Variants in DLG2 observed in about 807,000 individuals in gnomAD.
DLG2 encodes discs large MAGUK scaffold protein 2.
DLG2 carries 45 observed loss-of-function variants against 132.5 expected under a neutral mutation model. The ratio of observed to expected loss-of-function variants is 0.34; its 90% CI spans 0.27 to 0.44. The LOEUF (loss-of-function observed/expected upper bound fraction) is 0.44. Ranked by LOEUF, DLG2 falls within the 20% of genes least tolerant of loss-of-function variation. DLG2 has a pLI of 1.00. For missense variants in DLG2, 1,045 were observed against 1,196.9 expected (o/e 0.87, Z 1.87); for synonymous variants, 424 against 419.6 (o/e 1.01, Z -0.13).
intron 3 of DLG2, among the ~76,000 whole-genome samples, chr11:85,589,458 A>G (rs978816895): frequency 1.3e-5 from 2 of 152,132 alleles, no homozygotes; most frequent in Admixed American, 6.5e-5. Flanking sequence ...ATGATCCACT[A>G]CTGGGTATAG....
chr11:85,161,466 G>A (rs1469456824), intron 4 of DLG2, among the ~76,000 whole-genome samples: 1 of 152,218 alleles, frequency 6.6e-6, no homozygotes, highest in African/African-American at 2.4e-5. Flanking sequence ...CTGGTGTCAG[G>A]TTGATTATAT....
intron 15 of DLG2, among the ~76,000 whole-genome samples, chr11:83,915,057 A>C (rs538466545): frequency 6.6e-6 from 1 of 152,296 alleles, no homozygotes; most frequent in South Asian, 2.1e-4. Context: ...ATGCAAGCAC[A>C]ACAGTGAGCC....
At chr11:84,696,779 G>A (rs556101360) in intron 6 of DLG2, among the ~76,000 whole-genome samples, 1 of 151,546 alleles carries the variant, frequency 6.6e-6, no homozygotes, top group African/African-American at 2.4e-5. Flanking sequence ...GAAGAAGTGA[G>A]AAAGAATGTT....
At chr11:84,235,771 A>G (rs762258632) in intron 8 of DLG2, among the ~76,000 whole-genome samples, 2 of 152,142 alleles carry the variant, frequency 1.3e-5, no homozygotes, top group Non-Finnish European at 2.9e-5. Flanking sequence ...ACCGAGAGGC[A>G]GGGTAGTATA....
intron 6 of DLG2, among the ~76,000 whole-genome samples, chr11:84,824,791 A>G (rs1311209640): frequency 6.6e-6 from 1 of 151,882 alleles, no homozygotes. Flanking sequence ...TAAGTGTCGC[A>G]ACACTCAGAG....
At chr11:85,179,708 A>C (rs770125945) in intron 4 of DLG2, among the ~76,000 whole-genome samples, 11 of 151,988 alleles carry the variant, frequency 7.2e-5, no homozygotes, top group Admixed American at 1.3e-4. Context: ...AATGTCCTTA[A>C]ATGGCGGAAT....
chr11:85,237,496 A>C (rs972890375), intron 4 of DLG2, among the ~76,000 whole-genome samples: 1 of 152,064 alleles, frequency 6.6e-6, no homozygotes, highest in Non-Finnish European at 1.5e-5. Context: ...TGCAGTCAAA[A>C]ATCCATTTAA....
At chr11:84,951,013 A>T (rs147327220) in intron 6 of DLG2, among the ~76,000 whole-genome samples, 308 of 152,288 alleles carry the variant, frequency 2.0e-3, no homozygotes, top group Non-Finnish European at 3.7e-3. Context: ...GATAAAATGA[A>T]CTCTTCATTT....
intron 8 of DLG2, among the ~76,000 whole-genome samples, chr11:84,209,817 A>G (rs958031497): frequency 1.3e-5 from 2 of 152,204 alleles, no homozygotes; most frequent in Non-Finnish European, 2.9e-5. Context: ...TTTAATGTTG[A>G]AGAGGATACA....
At chr11:84,258,528 T>C (rs999970842) in intron 7 of DLG2, among the ~76,000 whole-genome samples, 1 of 152,154 alleles carries the variant, frequency 6.6e-6, no homozygotes, top group African/African-American at 2.4e-5. Context: ...ATGAATGCAT[T>C]TAATTTTTAC....
At chr11:83,790,473 A>G in intron 17 of DLG2, 2 of 1,215,298 alleles carry the variant, frequency 1.6e-6, no homozygotes, top group Non-Finnish European at 2.4e-6. Flanking sequence ...AAGGCTTGTC[A>G]CTACCATGGG....
chr11:84,293,135 G>A (rs1461624251), intron 7 of DLG2, among the ~76,000 whole-genome samples: 1 of 152,050 alleles, frequency 6.6e-6, no homozygotes, highest in Non-Finnish European at 1.5e-5. Flanking sequence ...GGCAGTGTGT[G>A]TGTGTGTCGG....
chr11:84,652,584 A>C (rs922231367), intron 6 of DLG2, among the ~76,000 whole-genome samples: 10 of 152,314 alleles, frequency 6.6e-5, no homozygotes, highest in Middle Eastern at 3.4e-3. Flanking sequence ...TAAGATCTAA[A>C]GTCAAGAAGA....
chr11:83,966,173 T>A lies in DLG2; in HGVS notation c.1057-705A>T, dbSNP rs568517336. Reference sequence around the variant, plus strand: ...GCTGGACCAAACTATATGAACATTATCAGGGCTTTTGATACCTAGTGTGAA... The same window carrying A: ...GCTGGACCAAACTATATGAACATTAACAGGGCTTTTGATACCTAGTGTGAA... On this transcript the variant is annotated intron_variant, in intron 12 of 27. Transcript: ENST00000376104. Among the ~76,000 whole-genome samples the A allele has an allele frequency of 2.6e-5, 4 of 152,146 alleles. No homozygotes were observed. The East Asian group carries it at 7.7e-4, about 29-fold the overall frequency.
chr11:84,388,680 A>G (rs1221878205), intron 7 of DLG2, among the ~76,000 whole-genome samples: 1 of 151,916 alleles, frequency 6.6e-6, no homozygotes, highest in Non-Finnish European at 1.5e-5. Context: ...AAACCTCAAA[A>G]GAGAGGAGCA....
chr11:85,392,602 G>A (rs996309621), intron 3 of DLG2, among the ~76,000 whole-genome samples: 10 of 151,952 alleles, frequency 6.6e-5, no homozygotes, highest in Non-Finnish European at 1.3e-4. Flanking sequence ...AAAACAACAT[G>A]GTATTGGTAT....
chr11:85,598,343 A>G (rs543576859), intron 3 of DLG2, among the ~76,000 whole-genome samples: 1 of 152,100 alleles, frequency 6.6e-6, no homozygotes, highest in African/African-American at 2.4e-5. Context: ...TTTGTCCTCA[A>G]TGTTTTATAA....
intron 6 of DLG2, among the ~76,000 whole-genome samples, chr11:84,898,487 T>C (rs994385240): frequency 1.5e-4 from 23 of 152,036 alleles, no homozygotes; most frequent in African/African-American, 5.3e-4. Flanking sequence ...TCTTACTTCA[T>C]GTGAGAGTAA....
intron 7 of DLG2, among the ~76,000 whole-genome samples, chr11:84,281,568 T>A (rs2154370655): frequency 6.6e-6 from 1 of 150,516 alleles, no homozygotes; most frequent in East Asian, 2.0e-4. Context: ...ATTAGGTAGA[T>A]CTCCTAATGC....
Sources: allele counts gnomAD v4.1 joint callset (sites outside exome capture counted in the v4.1 genomes callset), GRCh38; gene constraint gnomAD v4.1.1; transcripts MANE v1.5; gene names NCBI Gene and HGNC (gene_info 2026-07-23, HGNC 2026-07-21).